The following GCKR variants were observed in gnomAD, a reference collection of about 807,000 sequenced individuals.
GCKR encodes the protein glucokinase regulatory protein.
Under a neutral mutation model 82.9 loss-of-function variants are expected in GCKR, and 73 were observed. The observed-to-expected ratio is 0.88, with a 90% CI of 0.73 to 1.07. The LOEUF (loss-of-function observed/expected upper bound fraction) is 1.07. GCKR is among the 50% of genes least tolerant of loss of function. The probability of loss-of-function intolerance (pLI) is 0.00; values close to 1 mark genes in which losing one functional copy is unlikely to be tolerated. For synonymous variants in GCKR, 294 were observed against 291.8 expected, an observed-to-expected ratio of 1.01 and a Z score of -0.08; for missense variants, 784 against 782.1, an observed-to-expected ratio of 1.00 and a Z score of -0.03.
chr2:27,498,695 C>G (rs959267290), intron 4 of GCKR, 29 bp from the exon 5 acceptor site: 1 of 1,369,928 alleles, frequency 7.3e-7, no homozygotes, highest in Non-Finnish European at 1.0e-6. Flanking sequence ...TCTGTCATTA[C>G]CTCTTTACAT....
At position 27,507,777 on chromosome 2, in the gene GCKR, G is replaced by A; in HGVS notation, c.1240G>A (p.Asp414Asn). The change falls in exon 14 of 19, where the codon GAC becomes AAC. Residue 414 changes from aspartate to asparagine, a missense_variant and splice_region_variant. Coordinates refer to ENST00000264717, the MANE Select transcript of GCKR (RefSeq NM_001486.4). ...DTVVFIFTLDDNLTEVQTIVE... is the reference protein window; with the variant it reads ...DTVVFIFTLDNNLTEVQTIVE... ...TGTGGTCTTCATTTTCACCCTGGAT[G>A]GTGAGAGGGAAGATGGGAGTGGTGA... is the stretch of plus-strand genomic sequence containing the variant. 6.5e-7 allele frequency: 1 copy of A among 1,548,154 alleles called. No individual in the cohort carries two copies. Among genetic ancestry groups the A allele is most frequent in the Non-Finnish European group, 8.9e-7 (1 of 1,119,884 alleles).
intron 5 of GCKR, 58 bp downstream of exon 5, chr2:27,498,855 T>A: frequency 1.0e-6 from 1 of 979,572 alleles, no homozygotes; most frequent in Non-Finnish European, 1.7e-6. Flanking sequence ...TCTTAGAAAT[T>A]GAGTTGGAAT....
At chr2:27,497,870 A>G (rs987970343) in intron 3 of GCKR, among the ~76,000 whole-genome samples, 21 of 152,254 alleles carry the variant, frequency 1.4e-4, no homozygotes, top group African/African-American at 4.3e-4. Context: ...TGAAGTTGAT[A>G]TGACTTCTGT....
At chr2:27,498,826 G>C (rs747016712) in intron 5 of GCKR, 29 bp downstream of exon 5, 4 of 1,287,972 alleles carry the variant, frequency 3.1e-6, no homozygotes, top group Non-Finnish European at 4.5e-6. Context: ...TGAATATTTT[G>C]TTTGACCTAA....
At chr2:27,512,234 T>A (rs1335350028) in intron 16 of GCKR, among the ~76,000 whole-genome samples, 8 of 21,290 alleles carry the variant, frequency 3.8e-4, no homozygotes, top group South Asian at 2.3e-3. Flanking sequence ...AGACTCCATC[T>A]CAAAAAAAAA....
At chr2:27,505,440 A>T (rs961770668) in intron 9 of GCKR, among the ~76,000 whole-genome samples, 2 of 148,180 alleles carry the variant, frequency 1.3e-5, no homozygotes, top group African/African-American at 5.3e-5. Flanking sequence ...GAAAACAAAG[A>T]AAAGAAAAGC....
At chr2:27,514,769 C>T (rs1222781456) in intron 16 of GCKR, among the ~76,000 whole-genome samples, 2 of 152,092 alleles carry the variant, frequency 1.3e-5, no homozygotes, top group Non-Finnish European at 2.9e-5. Flanking sequence ...CTGGGTCAAA[C>T]GGTACATACA....
chr2:27,507,827 G>A (rs1669786665), intron 14 of GCKR, 50 bp downstream of exon 14: 1 of 1,226,812 alleles, frequency 8.2e-7, no homozygotes. Context: ...GAAATAGAAT[G>A]GTTCAGAGGA....
chr2:27,506,801 G>A lies in GCKR; in HGVS notation c.982G>A (p.Gly328Ser). The A allele has an allele frequency of 6.2e-7, 1 of 1,611,410 alleles. No homozygotes were observed. Among genetic ancestry groups the A allele is most frequent in the Non-Finnish European group, 8.5e-7 (1 of 1,177,474 alleles). Reference protein sequence around the residue: ...KSVSTSLEKKGHVYLVGWQTL... With the variant: ...KSVSTSLEKKSHVYLVGWQTL... ...ACCCATTCTCAGTCTGGAGAAGAAA[G>A]GCCACGTGTACCTGGTTGGCTGGCA... Residue 328 changes from glycine (G) to serine (S), a missense_variant, in exon 12 of 19, where the codon GGC becomes AGC. Gly to Ser is a moderately conservative substitution (Grantham distance 56). Coordinates refer to ENST00000264717, the MANE Select transcript of GCKR (RefSeq NM_001486.4).
chr2:27,523,426 C>T lies in GCKR; in HGVS notation c.1865C>T (p.Pro622Leu), dbSNP rs1670200473. The T allele has an allele frequency of 6.2e-7, 1 of 1,607,164 alleles. No homozygotes were observed. The highest frequency in any genetic ancestry group is 1.3e-5 in the African/African-American group (1 of 74,932). Residue 622 changes from proline (P) to leucine (L), a missense_variant, in exon 19 of 19, where the codon CCT (proline) becomes CTT (leucine). Physicochemically the swap from Pro to Leu is moderately conservative, Grantham distance 98. Transcript: ENST00000264717. Reference sequence around the variant, plus strand: ...GCGGACCCCCTCGAGATCCTAGAGCCTGACGTTCAGTGAACCCATGTTTCT... The same window carrying T: ...GCGGACCCCCTCGAGATCCTAGAGCTTGACGTTCAGTGAACCCATGTTTCT... ...RTADPLEILE[P>L]DVQ
chr2:27,505,680 C>T (rs2148583968), intron 9 of GCKR, 38 bp from the exon 10 acceptor site: 1 of 1,125,174 alleles, frequency 8.9e-7, no homozygotes, highest in Non-Finnish European at 1.4e-6. Context: ...GGGTCTTCAT[C>T]CTCTCCCAAT....
Position 27,507,991 on chromosome 2 carries a change from G to A in GCKR, c.1255G>A (p.Val419Met). ...CCTTCTCCTAGACAACCTCACGGAG[G>A]TGCAGACTATAGTGGAGCAGGTGAA... Reference protein sequence around the residue: ...IFTLDDNLTEVQTIVEQVKEK... With the variant: ...IFTLDDNLTEMQTIVEQVKEK... Residue 419 changes from valine to methionine, a missense_variant, in exon 15 of 19, where the codon GTG (valine) becomes ATG (methionine). Val to Met is a conservative substitution (Grantham distance 21, BLOSUM62 1). Coordinates refer to ENST00000264717, the MANE Select transcript of GCKR (RefSeq NM_001486.4). 1.2e-6 allele frequency: 2 copies of A among 1,612,450 alleles called. No homozygotes were observed. The highest frequency in any genetic ancestry group is 1.1e-5 in the South Asian group (1 of 91,034).
Position 27,515,971 on chromosome 2 carries a change from C to A in GCKR, c.1423-2817C>A, listed in dbSNP as rs539265772. On this transcript the variant is annotated intron_variant, in intron 16 of 18. Transcript: ENST00000264717. ...TTTTTTTTTTTTGTAGAGACAGGTT[C>A]TTGCTATGTTGCACACGCTGGTCTC... is the stretch of plus-strand genomic sequence containing the variant. 5.2e-3 allele frequency among the ~76,000 whole-genome samples: 708 copies of A among 135,902 alleles called. 4 individuals are homozygous for A. The highest frequency in any genetic ancestry group is 0.019 in the African/African-American group (674 of 35,800). 89.2% of individuals were successfully genotyped at this position (135,902 alleles called of 152,430 possible).
chr2:27,523,199 T>A, intron 18 of GCKR, 70 bp from the exon 19 acceptor site: 1 of 1,388,276 alleles, frequency 7.2e-7, no homozygotes, highest in East Asian at 2.3e-5. Flanking sequence ...GCGCCCGACC[T>A]TCCTCCGGGG....
intron 12 of GCKR, 128 bp downstream of exon 12, chr2:27,507,013 G>A: frequency 1.3e-6 from 1 of 786,584 alleles, no homozygotes; most frequent in Non-Finnish European, 2.3e-6. Context: ...ATCTAAATAG[G>A]CACTTCAGTC....
chr2:27,497,167 C>T, intron 1 of GCKR, 77 bp from the exon 2 acceptor site: 1 of 1,536,728 alleles, frequency 6.5e-7, no homozygotes, highest in Non-Finnish European at 9.0e-7. Flanking sequence ...GTGCCTGCTG[C>T]CACTCCCACC....
intron 12 of GCKR, 91 bp from the exon 13 acceptor site, chr2:27,507,144 C>T (rs1669768545): frequency 1.1e-6 from 1 of 933,342 alleles, no homozygotes; most frequent in Non-Finnish European, 1.8e-6. Flanking sequence ...TGCCACTTTT[C>T]CTCCCAGTCC....
chr2:27,515,940 A>ATTTT (rs35843492), intron 16 of GCKR, among the ~76,000 whole-genome samples: 2 of 131,970 alleles, frequency 1.5e-5, no homozygotes, highest in Non-Finnish European at 1.6e-5. Context: ...ATTAAACAAA[A>ATTTT]TTTTTTTTTT....
At chr2:27,498,190 G>A in intron 3 of GCKR, 65 bp from the exon 4 acceptor site, 7 of 1,249,938 alleles carry the variant, frequency 5.6e-6, no homozygotes, top group Non-Finnish European at 8.3e-6. Context: ...TACTGACAAA[G>A]AAAAGAATAT....
Sources: gnomAD v4.1 joint callset for allele counts (sites outside exome capture counted in the v4.1 genomes callset) on GRCh38, gnomAD v4.1.1 for gene constraint, MANE v1.5 for transcripts, NCBI Gene and HGNC (gene_info 2026-07-23, HGNC 2026-07-21) for gene names.